The following PNKD variants were observed in gnomAD, a reference collection of about 807,000 sequenced individuals.
The protein encoded by PNKD is probable thioesterase PNKD.
In PNKD, 36 loss-of-function variants were observed where a neutral mutation model predicts 45.3. The ratio of observed to expected loss-of-function variants is 0.80; its 90% CI spans 0.61 to 1.05. The LOEUF is 1.05. Among genes scored for constraint, PNKD ranks in the 50% least tolerant of loss-of-function variants. The pLI, the probability that PNKD is intolerant of heterozygous loss-of-function variation, is 0.00. For missense variants in PNKD, 511 were observed against 506.6 expected (o/e 1.01, Z -0.08); for synonymous variants, 197 against 210.1 (o/e 0.94, Z 0.54).
At chr2:218,342,528 C>T (rs1694710453) in intron 7 of PNKD, among the ~76,000 whole-genome samples, 1 of 151,744 alleles carries the variant, frequency 6.6e-6, no homozygotes, top group South Asian at 2.1e-4. Context: ...GGTGAAACCC[C>T]GTCTCTACTA....
chr2:218,273,039 C>G, intron 2 of PNKD: 1 of 936,730 alleles, frequency 1.1e-6, no homozygotes, highest in Non-Finnish European at 1.5e-6. Context: ...GCTCAGTGTT[C>G]CCAGCTGGAT....
Position 218,277,481 on chromosome 2 carries a change from G to A in PNKD, c.236+5932G>A, listed in dbSNP as rs779359784. ...GGGGAGAAGCAGGAGTTACAGACAAGAGGCATTAAGCCACGTATGAATGAC... is the reference window on the plus strand; with the variant it reads ...GGGGAGAAGCAGGAGTTACAGACAAAAGGCATTAAGCCACGTATGAATGAC... On this transcript the variant is annotated intron_variant, in intron 2 of 9. Transcript: ENST00000273077. 187 of 1,612,594 alleles carry A rather than the reference G, an allele frequency of 1.2e-4. 5 individuals carry two copies. The South Asian group carries it at 2.0e-3, about 17-fold the overall frequency.
At chr2:218,293,760 TTGC>T (rs1693060735) in intron 2 of PNKD, among the ~76,000 whole-genome samples, 1 of 106,792 alleles carries the variant, frequency 9.4e-6, no homozygotes, top group East Asian at 2.6e-4. Flanking sequence ...TTTTGTTTGT[TTGC>T]TTGTTTGTTT....
At chr2:218,273,475 A>C (rs931293175) in intron 2 of PNKD, among the ~76,000 whole-genome samples, 8 of 61,524 alleles carry the variant, frequency 1.3e-4, no homozygotes, top group East Asian at 4.2e-4. Context: ...ATTTTTTTTT[A>C]CTTATTTTTT....
intron 2 of PNKD, chr2:218,275,536 A>C (rs781061038): frequency 1.2e-6 from 2 of 1,614,164 alleles, no homozygotes; most frequent in South Asian, 2.2e-5. Context: ...GTCTGTGTAA[A>C]TCTGCAGGGC....
chr2:218,302,165 C>T (rs1211300323), intron 2 of PNKD, among the ~76,000 whole-genome samples: 6 of 152,066 alleles, frequency 3.9e-5, no homozygotes, highest in African/African-American at 9.7e-5. Flanking sequence ...CTGGCTAACA[C>T]GGTGAAACCT....
Position 218,277,454 on chromosome 2 carries a change from C to G in PNKD, c.236+5905C>G, listed in dbSNP as rs767200181. ...GATGACGGCTTTGGTTTGGTACATACTGGGGAGAAGCAGGAGTTACAGACA... is the reference window on the plus strand; with the variant it reads ...GATGACGGCTTTGGTTTGGTACATAGTGGGGAGAAGCAGGAGTTACAGACA... On this transcript the variant is annotated intron_variant, in intron 2 of 9. Coordinates refer to ENST00000273077, the MANE Select transcript of PNKD (RefSeq NM_015488.5). 1.9e-6 allele frequency: 3 copies of G among 1,613,984 alleles called. No individual in the cohort carries two copies. Among genetic ancestry groups the G allele is most frequent in the Non-Finnish European group, 2.5e-6 (3 of 1,180,022 alleles).
At chr2:218,315,112 CCTTCCTTCCTTTCTTT>C (rs1465756452) in intron 2 of PNKD, among the ~76,000 whole-genome samples, 61 of 134,150 alleles carry the variant, frequency 4.5e-4, no homozygotes, top group African/African-American at 1.7e-3. Context: ...TTCCTTCCTT[CCTTCCTTCCTTTCTTT>C]CTTTCTTTCT....
At chr2:218,297,684 CAAA>C (rs71064428) in intron 2 of PNKD, among the ~76,000 whole-genome samples, 17 of 41,992 alleles carry the variant, frequency 4.0e-4, no homozygotes, top group Non-Finnish European at 4.7e-4. Context: ...GACTCCGTCT[CAAA>C]AAAAAAAAAA....
chr2:218,340,165 G>T lies in PNKD; in HGVS notation c.465+24G>T, dbSNP rs1209691082. ...AGGTGAGGGGAGGGCAGGGAGCAGG[G>T]GGTGCCTGGAGTCACCTTGGGGACT... On this transcript the variant is annotated intron_variant, in intron 4 of 9. Coordinates refer to ENST00000273077, the MANE Select transcript of PNKD (RefSeq NM_015488.5). The surrounding 1 kb of genome is among the most constrained non-coding windows in gnomAD (Gnocchi z 4.2). The T allele has an allele frequency of 6.7e-7, 1 of 1,485,976 alleles. No individual in the cohort carries two copies. The highest frequency in any genetic ancestry group is 9.4e-7 in the Non-Finnish European group (1 of 1,064,850). The allele number at this position is 1,485,976 out of a possible 1,614,324, so 92.0% of individuals were successfully genotyped here.
intron 2 of PNKD, among the ~76,000 whole-genome samples, chr2:218,307,300 T>G (rs1693440709): frequency 6.6e-6 from 1 of 152,152 alleles, no homozygotes. Flanking sequence ...GCACTAGATT[T>G]CTATTATTAT....
intron 2 of PNKD, among the ~76,000 whole-genome samples, chr2:218,292,047 C>G (rs2106243886): frequency 6.6e-6 from 1 of 152,232 alleles, no homozygotes; most frequent in South Asian, 2.1e-4. Flanking sequence ...TCTCCCCTCC[C>G]TCTTCCCTCT....
At chr2:218,297,761 A>T (rs141122729) in intron 2 of PNKD, among the ~76,000 whole-genome samples, 4,888 of 149,912 alleles carry the variant, frequency 0.033, 260 homozygotes, top group African/African-American at 0.11. Context: ...GCACTTTGAG[A>T]GGCCGAGGCG....
At chr2:218,280,224 C>A in intron 2 of PNKD, 2 of 885,518 alleles carry the variant, frequency 2.3e-6, no homozygotes, top group Non-Finnish European at 1.9e-6. Flanking sequence ...GGATCTCCAG[C>A]CAAAAGACAA....
At chr2:218,279,616 C>T (rs919593727) in intron 2 of PNKD, 2 of 498,788 alleles carry the variant, frequency 4.0e-6, no homozygotes, top group Non-Finnish European at 7.1e-6. Context: ...CCATACTCTA[C>T]CAGTATGGCC....
At chr2:218,328,223 G>T (rs1019808494) in intron 2 of PNKD, among the ~76,000 whole-genome samples, 46 of 152,088 alleles carry the variant, frequency 3.0e-4, no homozygotes, top group Admixed American at 2.4e-3. Flanking sequence ...GTTTCTGCCG[G>T]TCGTAATCCC....
chr2:218,328,739 T>C (rs978714359), intron 2 of PNKD, among the ~76,000 whole-genome samples: 1 of 152,260 alleles, frequency 6.6e-6, no homozygotes, highest in Non-Finnish European at 1.5e-5. Context: ...AATGAAAAGC[T>C]TGGCTCAGGT....
intron 2 of PNKD, among the ~76,000 whole-genome samples, chr2:218,324,975 A>G (rs1694102196): frequency 7.0e-6 from 1 of 143,308 alleles, no homozygotes; most frequent in African/African-American, 2.6e-5. Flanking sequence ...AATCCCAAAC[A>G]TGAAGGTATC....
At chr2:218,334,617 G>A (rs1046688486) in intron 2 of PNKD, 31 of 685,130 alleles carry the variant, frequency 4.5e-5, no homozygotes, top group Middle Eastern at 2.3e-4. Context: ...TCACATCACC[G>A]CACTCTTGAC....
Sources: allele counts gnomAD v4.1 joint callset (sites outside exome capture counted in the v4.1 genomes callset), GRCh38; gene constraint gnomAD v4.1.1; non-coding constraint Gnocchi (gnomAD v3.1); transcripts MANE v1.5; gene names NCBI Gene and HGNC (gene_info 2026-07-23, HGNC 2026-07-21).